The following WDR41 variants were observed in gnomAD, a reference collection of about 807,000 sequenced individuals.
WDR41 encodes the protein WD repeat-containing protein 41.
A neutral mutation model predicts 69.3 loss-of-function variants in WDR41; 63 were observed. That is an observed-to-expected ratio of 0.91 (90% CI 0.74 to 1.12). The LOEUF (loss-of-function observed/expected upper bound fraction) is 1.12. Among genes scored for constraint, WDR41 ranks in the 50% most tolerant of loss-of-function variants. The pLI, the probability that WDR41 is intolerant of heterozygous loss-of-function variation, is 0.00. For missense variants in WDR41, 543 were observed against 534.5 expected, an observed-to-expected ratio of 1.02 and a Z score of -0.16; for synonymous variants, 185 against 192.1, an observed-to-expected ratio of 0.96 and a Z score of 0.31.
chr5:77,536,661 G>A (rs1742989129), intron 1 of WDR41, among the ~76,000 whole-genome samples: 1 of 152,006 alleles, frequency 6.6e-6, no homozygotes, highest in South Asian at 2.1e-4. Context: ...CTATGTTTAG[G>A]TCCACAAATA....
rs144057313 is a variant in WDR41 at position 77,503,190 on chromosome 5, CAAAAAA to C, written c.43-13624_43-13619del. ...GAAGATCTACCAAGCAAATGGAAAG[CAAAAAA>C]AAAAAAAAAAAAAAGCAGGAGTTGC... On this transcript the variant is annotated intron_variant, in intron 1 of 5. Coordinates refer to the WDR41 transcript ENST00000509971. Among the ~76,000 whole-genome samples, 4 of 74,322 alleles carry C rather than the reference CAAAAAA, an allele frequency of 5.4e-5. No individual in the cohort carries two copies. The East Asian group carries it at 2.1e-3, about 39-fold the overall frequency. The allele number at this position is 74,322 out of a possible 152,430, so 48.8% of individuals were successfully genotyped here.
chr5:77,490,592 CA>C (rs34282863), intron 1 of WDR41, among the ~76,000 whole-genome samples: 73,604 of 149,810 alleles, frequency 0.49, 18,387 homozygotes, highest in African/African-American at 0.59. Flanking sequence ...AAATGTTTTC[CA>C]AAAAAAAAAC....
At chr5:77,549,725 T>G (rs1215317191) in intron 1 of WDR41, among the ~76,000 whole-genome samples, 2 of 152,186 alleles carry the variant, frequency 1.3e-5, no homozygotes, top group African/African-American at 4.8e-5. Flanking sequence ...ACACTATTCC[T>G]ATCAAGCTAC....
intron 8 of WDR41, among the ~76,000 whole-genome samples, chr5:77,449,215 G>C (rs1307541502): frequency 6.8e-6 from 1 of 147,358 alleles, no homozygotes; most frequent in Non-Finnish European, 1.5e-5. Context: ...CAAATAGGAT[G>C]TACAGCAGGT....
intron 1 of WDR41, among the ~76,000 whole-genome samples, chr5:77,515,995 T>G (rs1463838989): frequency 6.6e-6 from 1 of 152,202 alleles, no homozygotes; most frequent in Non-Finnish European, 1.5e-5. Flanking sequence ...AACATTTTAG[T>G]ATTCCCAATT....
intron 1 of WDR41, among the ~76,000 whole-genome samples, chr5:77,525,155 C>T (rs1314149689): frequency 6.6e-6 from 1 of 152,120 alleles, no homozygotes; most frequent in Non-Finnish European, 1.5e-5. Flanking sequence ...TAGAATAAGA[C>T]AACAGAGAAA....
At chr5:77,606,413 T>C (rs549544587) in intron 1 of WDR41, among the ~76,000 whole-genome samples, 2 of 152,308 alleles carry the variant, frequency 1.3e-5, no homozygotes, top group Non-Finnish European at 2.9e-5. Flanking sequence ...GCAGACATTA[T>C]TTAGTGCATT....
chr5:77,451,272 G>GA lies in WDR41; in HGVS notation c.586+18dup, dbSNP rs770746934. The GA allele has an allele frequency of 3.7e-6, 6 of 1,612,056 alleles. No homozygotes were observed. In the South Asian group the frequency reaches 4.4e-5, roughly 12 times the overall value. On this transcript the variant is annotated intron_variant, in intron 7 of 12. Transcript: ENST00000296679. ...AATTCTCGTTCAAAATACACAAAAA[G>GA]AAAAAAATTCATACTCACTCAGTTC...
At chr5:77,470,016 G>C (rs1227809004) in intron 2 of WDR41, among the ~76,000 whole-genome samples, 1 of 150,228 alleles carries the variant, frequency 6.7e-6, no homozygotes. Context: ...AAATGTTAAG[G>C]GCAGCCAGAG....
intron 1 of WDR41, among the ~76,000 whole-genome samples, chr5:77,510,321 C>T (rs1802179237): frequency 1.3e-5 from 2 of 152,090 alleles, no homozygotes; most frequent in Admixed American, 1.3e-4. Flanking sequence ...AAAGACCTGC[C>T]CCCATGACTC....
At chr5:77,463,770 T>A (rs1800171722) in intron 3 of WDR41, among the ~76,000 whole-genome samples, 1 of 152,188 alleles carries the variant, frequency 6.6e-6, no homozygotes, top group Non-Finnish European at 1.5e-5. Context: ...TCCATCAGTC[T>A]CTGACTAATT....
intron 1 of WDR41, among the ~76,000 whole-genome samples, chr5:77,609,061 C>A (rs1468561736): frequency 6.6e-6 from 1 of 152,186 alleles, no homozygotes; most frequent in East Asian, 1.9e-4. Flanking sequence ...GCTAGCACAG[C>A]AGTCTGAGAT....
chr5:77,511,056 C>G (rs1802190189), intron 1 of WDR41, among the ~76,000 whole-genome samples: 2 of 151,802 alleles, frequency 1.3e-5, no homozygotes, highest in Non-Finnish European at 2.9e-5. Flanking sequence ...CACACCCAGC[C>G]CAAATTTAAT....
chr5:77,573,432 A>C (rs1352801076), intron 1 of WDR41, among the ~76,000 whole-genome samples: 1 of 152,200 alleles, frequency 6.6e-6, no homozygotes, highest in African/African-American at 2.4e-5. Context: ...GACTCCACTC[A>C]TACCGGAATT....
intron 2 of WDR41, among the ~76,000 whole-genome samples, chr5:77,481,587 C>A (rs183975589): frequency 6.6e-6 from 1 of 152,056 alleles, no homozygotes; most frequent in Admixed American, 6.5e-5. Flanking sequence ...GAGTTCGAGA[C>A]CAGCCTGGCC....
intron 1 of WDR41, among the ~76,000 whole-genome samples, chr5:77,497,977 A>G (rs1801959526): frequency 6.6e-6 from 1 of 152,218 alleles, no homozygotes; most frequent in African/African-American, 2.4e-5. Context: ...ATGTTAAGTG[A>G]AATAAACCAA....
intron 2 of WDR41, among the ~76,000 whole-genome samples, chr5:77,488,214 T>C (rs1393524790): frequency 6.6e-6 from 1 of 152,174 alleles, no homozygotes. Flanking sequence ...CTGTATAGAC[T>C]ATGCCCTTCA....
chr5:77,488,539 C>T (rs1479296234), intron 2 of WDR41, among the ~76,000 whole-genome samples: 1 of 143,806 alleles, frequency 7.0e-6, no homozygotes, highest in Non-Finnish European at 1.6e-5. Flanking sequence ...CAGTAACACT[C>T]ATCCATGGAG....
chr5:77,468,507 T>TA (rs201532421), intron 2 of WDR41, among the ~76,000 whole-genome samples: 4 of 152,206 alleles, frequency 2.6e-5, no homozygotes, highest in African/African-American at 4.8e-5. Context: ...TAAAGATTTG[T>TA]AAAAAATAAA....
Sources: allele counts gnomAD v4.1 joint callset (sites outside exome capture counted in the v4.1 genomes callset), GRCh38; gene constraint gnomAD v4.1.1; transcripts MANE v1.5; gene names NCBI Gene and HGNC (gene_info 2026-07-23, HGNC 2026-07-21).